Variants in EHHADH observed in about 807,000 individuals in gnomAD.
The protein encoded by EHHADH is peroxisomal bifunctional enzyme.
EHHADH carries 48 observed loss-of-function variants against 64.4 expected under a neutral mutation model. The observed-to-expected ratio is 0.75, with a 90% confidence interval of 0.59 to 0.95. EHHADH has a LOEUF of 0.95. Among genes scored for constraint, EHHADH ranks in the 40% least tolerant of loss-of-function variants. The pLI is 0.00. For missense variants in EHHADH, 854 were observed against 876.6 expected, an observed-to-expected ratio of 0.97 and a Z score of 0.33; for synonymous variants, 308 against 326.7, an observed-to-expected ratio of 0.94 and a Z score of 0.62.
chr3:185,252,158 T>A (rs184053193), intron 1 of EHHADH, among the ~76,000 whole-genome samples: 7 of 152,102 alleles, frequency 4.6e-5, no homozygotes, highest in African/African-American at 1.7e-4. Context: ...TCCCAGCACT[T>A]TGGGAGGCCG....
chr3:185,246,174 A>G, intron 2 of EHHADH: 2 of 1,016,350 alleles, frequency 2.0e-6, no homozygotes, highest in Admixed American at 2.0e-5. Flanking sequence ...CAGCTTCATC[A>G]ATATCAAATA....
intron 2 of EHHADH, chr3:185,246,240 T>C (rs1370828150): frequency 1.1e-6 from 1 of 899,172 alleles, no homozygotes; most frequent in African/African-American, 1.7e-5. Flanking sequence ...GTCATCTAGA[T>C]CATCAGAAGC....
chr3:185,222,999 A>C (rs570028077), intron 4 of EHHADH, among the ~76,000 whole-genome samples: 3 of 152,282 alleles, frequency 2.0e-5, no homozygotes, highest in Admixed American at 2.0e-4. Context: ...TCTCCTCATC[A>C]GTTTTTCCAG....
chr3:185,210,737 G>C (rs966883671), intron 5 of EHHADH, among the ~76,000 whole-genome samples: 4 of 152,060 alleles, frequency 2.6e-5, no homozygotes, highest in Non-Finnish European at 5.9e-5. Flanking sequence ...GGAGCTCCAA[G>C]AGCAGAGAGT....
intron 6 of EHHADH, among the ~76,000 whole-genome samples, chr3:185,200,722 A>C (rs574920349): frequency 8.8e-4 from 134 of 152,298 alleles, no homozygotes; most frequent in South Asian, 2.5e-3. Flanking sequence ...TTTAAATGTT[A>C]GTTTTGCAGT....
At chr3:185,252,658 T>G (rs182111526) in intron 1 of EHHADH, among the ~76,000 whole-genome samples, 24 of 152,346 alleles carry the variant, frequency 1.6e-4, no homozygotes, top group African/African-American at 4.8e-4. Context: ...TTATGTGATT[T>G]TAGTCCTGCA....
In EHHADH at chr3:185,245,554, T is replaced by C. The variant is rs531872136; in HGVS notation, c.178+2860A>G. ...AACAGAACATCTAGAATGACAAGTT[T>C]CACACTGTAGGAAATAAGAGTTGCA... On this transcript the variant is annotated intron_variant, in intron 2 of 6. Transcript: ENST00000231887. 14 of 919,028 alleles carry C rather than the reference T, an allele frequency of 1.5e-5. No homozygotes were observed. The Admixed American group carries it at 2.5e-4, about 16-fold the overall frequency. The allele number at this position is 919,028 out of a possible 1,614,324, so 56.9% of individuals were successfully genotyped here.
In EHHADH at chr3:185,204,529, C is replaced by A. The variant is rs771075254; in HGVS notation, c.797G>T (p.Arg266Ile). 1 of 1,614,112 alleles carries A rather than the reference C, an allele frequency of 6.2e-7. No homozygotes were observed. The highest frequency in any genetic ancestry group is 1.7e-5 in the Admixed American group (1 of 60,032). Reference protein sequence around the residue: ...FLYLLQSGQARALQYAFFAER... With the variant: ...FLYLLQSGQAIALQYAFFAER... The stretch of plus-strand genomic sequence containing the variant: ...AGCGAAGAAAGCATATTGCAGGGCT[C>A]TAGCCTGCCCTGATTGCAAAAGATA... The change falls in exon 6 of 7, where the codon AGA becomes ATA. Residue 266 changes from arginine to isoleucine, a missense_variant. Physicochemically the swap from Arg to Ile is moderately conservative, Grantham distance 97. Coordinates refer to ENST00000231887, the MANE Select transcript of EHHADH (RefSeq NM_001966.4).
intron 3 of EHHADH, among the ~76,000 whole-genome samples, chr3:185,235,088 G>A (rs1719250285): frequency 6.6e-6 from 1 of 152,182 alleles, no homozygotes; most frequent in Non-Finnish European, 1.5e-5. Context: ...GCTGAGGAAG[G>A]AGAATTGCTT....
chr3:185,209,130 C>T (rs768498876), intron 5 of EHHADH, among the ~76,000 whole-genome samples: 6 of 152,194 alleles, frequency 3.9e-5, no homozygotes, highest in South Asian at 4.1e-4. Context: ...AGGCAAATCA[C>T]GCCTCATTAA....
chr3:185,221,739 CT>C (rs1360452554), intron 4 of EHHADH, among the ~76,000 whole-genome samples: 3 of 151,648 alleles, frequency 2.0e-5, no homozygotes, highest in African/African-American at 4.8e-5. Context: ...CCCCCGGCTA[CT>C]TTTTTGTATT....
At chr3:185,207,940 G>C (rs529986936) in intron 5 of EHHADH, among the ~76,000 whole-genome samples, 45 of 152,210 alleles carry the variant, frequency 3.0e-4, no homozygotes, top group Non-Finnish European at 5.9e-4. Context: ...TTTCATCAAG[G>C]AGCATATGTG....
intron 2 of EHHADH, 83 bp downstream of exon 2, chr3:185,248,331 C>T: frequency 1.0e-6 from 1 of 1,001,150 alleles, no homozygotes; most frequent in South Asian, 1.3e-5. Context: ...TAAGTTATTA[C>T]CAACAAGCAC....
chr3:185,235,776 A>G (rs1296522509), intron 2 of EHHADH, among the ~76,000 whole-genome samples: 1 of 152,128 alleles, frequency 6.6e-6, no homozygotes, highest in Non-Finnish European at 1.5e-5. Flanking sequence ...AAAATTAAAA[A>G]TCTCAGAAAA....
At chr3:185,233,630 G>T (rs1293860140) in intron 3 of EHHADH, among the ~76,000 whole-genome samples, 1 of 152,020 alleles carries the variant, frequency 6.6e-6, no homozygotes, top group Non-Finnish European at 1.5e-5. Context: ...TACAAAAAAA[G>T]CCCAAATGTG....
At position 185,192,110 on chromosome 3, in the gene EHHADH, A is replaced by G. The variant is rs979999496; in HGVS notation, c.*116T>C. On this transcript the variant is annotated 3_prime_UTR_variant, in exon 7 of 7. Transcript: ENST00000231887. ...CGTTACACAGAAGATTCTAATGATT[A>G]TTTATTTTGCTTTGTATTTCAGAAC... The G allele has an allele frequency of 1.1e-5, 14 of 1,223,252 alleles. 1 individual carries two copies. The South Asian group carries it at 2.1e-4, about 18-fold the overall frequency. The allele number at this position is 1,223,252 out of a possible 1,614,324, so 75.8% of individuals were successfully genotyped here.
intron 4 of EHHADH, among the ~76,000 whole-genome samples, chr3:185,222,245 G>T (rs1295170040): frequency 6.6e-6 from 1 of 151,950 alleles, no homozygotes; most frequent in Non-Finnish European, 1.5e-5. Flanking sequence ...CATTGGCTGG[G>T]TGTGCCACGA....
intron 6 of EHHADH, 99 bp downstream of exon 6, chr3:185,204,317 G>C: frequency 1.9e-6 from 2 of 1,066,414 alleles, no homozygotes; most frequent in Non-Finnish European, 2.7e-6. Context: ...CACAAGTAAT[G>C]TGTCTTACGT....
intron 4 of EHHADH, among the ~76,000 whole-genome samples, chr3:185,225,499 T>C (rs954146755): frequency 5.3e-5 from 8 of 152,170 alleles, no homozygotes; most frequent in Non-Finnish European, 7.3e-5. Flanking sequence ...TGGATTATGA[T>C]AGCAGCCCTC....
Sources: allele counts gnomAD v4.1 joint callset (sites outside exome capture counted in the v4.1 genomes callset), GRCh38; gene constraint gnomAD v4.1.1; transcripts MANE v1.5; gene names NCBI Gene and HGNC (gene_info 2026-07-23, HGNC 2026-07-21).